Variants in STAT1 observed in about 807,000 individuals in gnomAD.
STAT1 encodes signal transducer and activator of transcription 1-alpha/beta.
STAT1 carries 24 observed loss-of-function variants against 111.7 expected under a neutral mutation model. That is an observed-to-expected ratio of 0.21 (90% CI 0.16 to 0.30). STAT1 has a LOEUF of 0.30. Ranked by LOEUF, STAT1 falls within the 10% of genes least tolerant of loss-of-function variation. STAT1 has a pLI of 1.00. For missense variants in STAT1, 351 were observed against 911.9 expected (o/e 0.38, Z 7.92); for synonymous variants, 332 against 326.5 (o/e 1.02, Z -0.18).
chr2:190,975,477 G>T lies in STAT1; in HGVS notation c.2135+335C>A. 1.0e-6 allele frequency: 1 copy of T among 993,034 alleles called. No homozygotes were observed. Among genetic ancestry groups the T allele is most frequent in the Non-Finnish European group, 1.4e-6 (1 of 692,076 alleles). The allele number at this position is 993,034 out of a possible 1,614,324, so 61.5% of individuals were successfully genotyped here. ...AACAAAATCAAAGCAAGTGGAGACA[G>T]TGTATCTCAATCATTACTTTGGCCT... On this transcript the variant is annotated intron_variant, in intron 23 of 24. Coordinates refer to ENST00000361099, the MANE Select transcript of STAT1 (RefSeq NM_007315.4). The surrounding 1 kb of genome is among the most constrained non-coding windows in gnomAD (Gnocchi z 5.9).
Position 190,975,226 on chromosome 2 carries a change from C to T in STAT1, c.2136-294G>A. ...AGCCTAGGTGTGAGCATGTGCGGTG[C>T]ACTACCCTGAGATGACAATGCCTCG... On this transcript the variant is annotated intron_variant, in intron 23 of 24. Transcript: ENST00000361099. The surrounding 1 kb of genome is among the most constrained non-coding windows in gnomAD (Gnocchi z 5.9). 1 of 460,938 alleles carries T rather than the reference C, an allele frequency of 2.2e-6. No individual in the cohort carries two copies. The highest frequency in any genetic ancestry group is 2.8e-5 in the Admixed American group (1 of 35,398). 28.6% of individuals were successfully genotyped at this position (460,938 alleles called of 1,614,324 possible).
chr2:191,002,821 C>T (rs1452169571), intron 5 of STAT1, among the ~76,000 whole-genome samples: 1 of 152,084 alleles, frequency 6.6e-6, no homozygotes, highest in Non-Finnish European at 1.5e-5. Context: ...CCCATCAATT[C>T]CTATCTTATT....
At position 190,970,868 on chromosome 2, in the gene STAT1, CATGTACTAT is replaced by C; in HGVS notation, c.2239-160_2239-152del. On this transcript the variant is annotated intron_variant, in intron 24 of 24. Transcript: ENST00000361099. This position sits in a 1 kb window ranked among gnomAD's most constrained non-coding sequence, Gnocchi z 5.4. ...TACCGTGGAATAAGAGGGCCTTCAG[CATGTACTAT>C]GTATTATCCTGGGCTAATCAAGACC... 5 of 744,286 alleles carry C rather than the reference CATGTACTAT, an allele frequency of 6.7e-6. No individual in the cohort carries two copies. The South Asian group carries it at 7.7e-5, about 11-fold the overall frequency. The allele number at this position is 744,286 out of a possible 1,614,324, so 46.1% of individuals were successfully genotyped here.
At chr2:190,994,998 C>T (rs539807548) in intron 10 of STAT1, 63 bp downstream of exon 10, 102 of 1,420,782 alleles carry the variant, frequency 7.2e-5, no homozygotes, top group Middle Eastern at 1.8e-4. Flanking sequence ...TCTGAATTAA[C>T]GGTAAAATGT....
Position 190,986,213 on chromosome 2 carries a change from A to G in STAT1, c.1222-553T>C, listed in dbSNP as rs936257916. The stretch of plus-strand genomic sequence containing the variant: ...CTTGCTGGATCACAAAGTGGTCTCT[A>G]GTGAAAAAGGATGCCTTTAACCTCC... On this transcript the variant is annotated intron_variant, in intron 14 of 24. Transcript: ENST00000361099. This position sits in a 1 kb window ranked among gnomAD's most constrained non-coding sequence, Gnocchi z 5.0. Among the ~76,000 whole-genome samples, 28 of 152,192 alleles carry G rather than the reference A, an allele frequency of 1.8e-4. No homozygotes were observed. Among genetic ancestry groups the G allele is most frequent in the Non-Finnish European group, 3.5e-4 (24 of 68,038 alleles).
chr2:191,000,948 A>G lies in STAT1; in HGVS notation c.462+126T>C. On this transcript the variant is annotated intron_variant, in intron 6 of 24. Coordinates refer to ENST00000361099, the MANE Select transcript of STAT1 (RefSeq NM_007315.4). The surrounding 1 kb of genome is among the most constrained non-coding windows in gnomAD (Gnocchi z 4.8). ...TTTACTTATAGCTTGAGACTTCTGC[A>G]AAATTTTTCTTCCCAACTACTTAAA... 1.2e-6 allele frequency: 1 copy of G among 805,134 alleles called. No individual in the cohort carries two copies. The highest frequency in any genetic ancestry group is 2.1e-6 in the Non-Finnish European group (1 of 470,068). The allele number at this position is 805,134 out of a possible 1,614,324, so 49.9% of individuals were successfully genotyped here.
rs1559005427 is a variant in STAT1, at chr2:190,975,956, CG to C, written c.2060-70del. The C allele has an allele frequency of 1.5e-6, 2 of 1,357,628 alleles. No homozygotes were observed. Among genetic ancestry groups the C allele is most frequent in the East Asian group, 2.3e-5 (1 of 42,952 alleles). 84.1% of individuals were successfully genotyped at this position (1,357,628 alleles called of 1,614,324 possible). A position where few individuals can be genotyped will look rare whatever the true frequency, so the allele number is the denominator to read the frequency against. On this transcript the variant is annotated intron_variant, in intron 22 of 24. Coordinates refer to ENST00000361099, the MANE Select transcript of STAT1 (RefSeq NM_007315.4). This position sits in a 1 kb window ranked among gnomAD's most constrained non-coding sequence, Gnocchi z 5.9. ...CCATCAGAATACAACATCAACTTTT[CG>C]GGGGGATTAAAGTTCTACTGTGTTT...
rs1693988997 is a variant in STAT1, at chr2:190,998,124, G to A, written c.633+93C>T. 2.6e-6 allele frequency: 4 copies of A among 1,557,302 alleles called. No individual in the cohort carries two copies. Among genetic ancestry groups the A allele is most frequent in the Admixed American group, 1.7e-5 (1 of 58,774 alleles). On this transcript the variant is annotated intron_variant, in intron 8 of 24. Transcript: ENST00000361099. This position sits in a 1 kb window ranked among gnomAD's most constrained non-coding sequence, Gnocchi z 4.1. ...ATTCTCAACTGGGGCTCTAAGCCAG[G>A]TGGCTATAATTTTTCCTCTCTTCTA...
In STAT1 at chr2:190,984,235, G is replaced by T; in HGVS notation, c.1347+75C>A. ...GGTAAATACCTCCAGAACAAACACTGAGAAATAAAAATACATGTAACAATT... is the reference window on the plus strand; with the variant it reads ...GGTAAATACCTCCAGAACAAACACTTAGAAATAAAAATACATGTAACAATT... On this transcript the variant is annotated intron_variant, in intron 16 of 24. Transcript: ENST00000361099. This position sits in a 1 kb window ranked among gnomAD's most constrained non-coding sequence, Gnocchi z 5.2. The T allele has an allele frequency of 8.1e-7, 1 of 1,237,818 alleles. No homozygotes were observed. The highest frequency in any genetic ancestry group is 1.2e-6 in the Non-Finnish European group (1 of 846,248). 76.7% of individuals were successfully genotyped at this position (1,237,818 alleles called of 1,614,324 possible).
Position 190,987,918 on chromosome 2 carries a change from T to C in STAT1, c.1098-850A>G, listed in dbSNP as rs1692988218. Among the ~76,000 whole-genome samples the C allele has an allele frequency of 6.6e-6, 1 of 152,204 alleles. No individual in the cohort carries two copies. The highest frequency in any genetic ancestry group is 1.5e-5 in the Non-Finnish European group (1 of 68,038). Reference sequence around the variant, plus strand: ...AAGGGATAGTATGATAAAAGCTGACTTGTCAAAGCTAAGAAGACCGTCAGA... The same window carrying C: ...AAGGGATAGTATGATAAAAGCTGACCTGTCAAAGCTAAGAAGACCGTCAGA... On this transcript the variant is annotated intron_variant, in intron 12 of 24. Coordinates refer to ENST00000361099, the MANE Select transcript of STAT1 (RefSeq NM_007315.4). The surrounding 1 kb of genome is among the most constrained non-coding windows in gnomAD (Gnocchi z 4.0).
In STAT1 at chr2:190,998,641, G is replaced by A. The variant is rs1223672619; in HGVS notation, c.542-333C>T. On this transcript the variant is annotated intron_variant, in intron 7 of 24. Transcript: ENST00000361099. This position sits in a 1 kb window ranked among gnomAD's most constrained non-coding sequence, Gnocchi z 4.1. ...CTCGCCACTGCACTCTAGCCTGGGCGACAGAGCGAGACTCCGTCTCCAAAA... is the reference window on the plus strand; with the variant it reads ...CTCGCCACTGCACTCTAGCCTGGGCAACAGAGCGAGACTCCGTCTCCAAAA... Among the ~76,000 whole-genome samples, 2 of 146,630 alleles carry A rather than the reference G, an allele frequency of 1.4e-5. No homozygotes were observed. The highest frequency in any genetic ancestry group is 2.1e-4 in the South Asian group (1 of 4,656).
rs554978741 is a variant in STAT1, at chr2:190,973,271, A to G, written c.2238+1559T>C. On this transcript the variant is annotated intron_variant, in intron 24 of 24. Coordinates refer to ENST00000361099, the MANE Select transcript of STAT1 (RefSeq NM_007315.4). The surrounding 1 kb of genome is among the most constrained non-coding windows in gnomAD (Gnocchi z 4.4). ...AGGATACCGGACAAAAGCATGCACT[A>G]GAGACTCACTAGGTAGATTCAAATA... is the stretch of plus-strand genomic sequence containing the variant. 4.4e-4 allele frequency among the ~76,000 whole-genome samples: 67 copies of G among 152,334 alleles called. No individual in the cohort carries two copies. Among genetic ancestry groups the G allele is most frequent in the Middle Eastern group, 3.4e-3 (1 of 294 alleles).
intron 2 of STAT1, among the ~76,000 whole-genome samples, 199 bp downstream of exon 2, chr2:191,013,326 A>C (rs1695284978): frequency 6.6e-6 from 1 of 152,206 alleles, no homozygotes; most frequent in African/African-American, 2.4e-5. Flanking sequence ...ACACCTCTGC[A>C]TACCTACCAC....
rs1694207336 is a variant in STAT1, at chr2:191,000,762, C to T, written c.462+312G>A. 6.6e-6 allele frequency among the ~76,000 whole-genome samples: 1 copy of T among 152,122 alleles called. No individual in the cohort carries two copies. The highest frequency in any genetic ancestry group is 2.4e-5 in the African/African-American group (1 of 41,430). ...GGCACTGTGATTTGAGAGGTGTGGA[C>T]ATAAAGGCCCATTTAGAGCAGCAAC... On this transcript the variant is annotated intron_variant, in intron 6 of 24. Transcript: ENST00000361099. The surrounding 1 kb of genome is among the most constrained non-coding windows in gnomAD (Gnocchi z 4.8).
intron 15 of STAT1, among the ~76,000 whole-genome samples, chr2:190,985,161 A>G (rs1462831623): frequency 6.6e-6 from 1 of 152,248 alleles, no homozygotes; most frequent in East Asian, 1.9e-4. Flanking sequence ...CTCCTTAAGG[A>G]TCACGCTGTA....
rs772574364 is a variant in STAT1, at chr2:190,995,025, A to G, written c.944+36T>C. ...GTAAAATGTTCCTCTGTATAGACCG[A>G]TTACAGAAGGTACAAATAAATGTCC... On this transcript the variant is annotated intron_variant, in intron 10 of 24. Coordinates refer to ENST00000361099, the MANE Select transcript of STAT1 (RefSeq NM_007315.4). This position sits in a 1 kb window ranked among gnomAD's most constrained non-coding sequence, Gnocchi z 4.2. 3 of 1,605,336 alleles carry G rather than the reference A, an allele frequency of 1.9e-6. No homozygotes were observed. The East Asian group carries it at 6.7e-5, about 36-fold the overall frequency.
Position 190,981,990 on chromosome 2 carries a change from A to C in STAT1, c.1582+393T>G, listed in dbSNP as rs1692427692. Among the ~76,000 whole-genome samples, 3 of 152,258 alleles carry C rather than the reference A, an allele frequency of 2.0e-5. No individual in the cohort carries two copies. The highest frequency in any genetic ancestry group is 7.2e-5 in the African/African-American group (3 of 41,466). On this transcript the variant is annotated intron_variant, in intron 18 of 24. Transcript: ENST00000361099. This position sits in a 1 kb window ranked among gnomAD's most constrained non-coding sequence, Gnocchi z 4.1. ...CCCTGGGTTTATGCTGCAGTGGGCA[A>C]GCCCCAGGACTTTATTTCTCATCAT...
chr2:190,970,577 G>T lies in STAT1; in HGVS notation c.*126C>A. ...AAAATTCACTTGCTATCAACAGGTTGCAGCGAATTTGCTGGCCTTTCTTTC... is the reference window on the plus strand; with the variant it reads ...AAAATTCACTTGCTATCAACAGGTTTCAGCGAATTTGCTGGCCTTTCTTTC... On this transcript the variant is annotated 3_prime_UTR_variant, in exon 25 of 25. Coordinates refer to ENST00000361099, the MANE Select transcript of STAT1 (RefSeq NM_007315.4). The surrounding 1 kb of genome is among the most constrained non-coding windows in gnomAD (Gnocchi z 5.4). 9.6e-7 allele frequency: 1 copy of T among 1,037,142 alleles called. No homozygotes were observed. The highest frequency in any genetic ancestry group is 1.5e-6 in the Non-Finnish European group (1 of 667,520). The allele number at this position is 1,037,142 out of a possible 1,614,324, so 64.2% of individuals were successfully genotyped here. A position where few individuals can be genotyped will look rare whatever the true frequency, so the allele number is the denominator to read the frequency against.
Position 190,971,848 on chromosome 2 carries a change from G to C in STAT1, c.2239-1131C>G, listed in dbSNP as rs1691500670. Reference sequence around the variant, plus strand: ...CTGCCTCAGCCCCCCTAGTAGCTGGGATTACAGGCACACACCACCATGGCT... The same window carrying C: ...CTGCCTCAGCCCCCCTAGTAGCTGGCATTACAGGCACACACCACCATGGCT... On this transcript the variant is annotated intron_variant, in intron 24 of 24. Transcript: ENST00000361099. This position sits in a 1 kb window ranked among gnomAD's most constrained non-coding sequence, Gnocchi z 4.1. Among the ~76,000 whole-genome samples, 2 of 152,006 alleles carry C rather than the reference G, an allele frequency of 1.3e-5. No individual in the cohort carries two copies. Among genetic ancestry groups the C allele is most frequent in the Non-Finnish European group, 2.9e-5 (2 of 67,980 alleles).
Sources: allele counts gnomAD v4.1 joint callset (sites outside exome capture counted in the v4.1 genomes callset), GRCh38; gene constraint gnomAD v4.1.1; non-coding constraint Gnocchi (gnomAD v3.1); transcripts MANE v1.5; gene names NCBI Gene and HGNC (gene_info 2026-07-23, HGNC 2026-07-21).